AFF4: variants seen among roughly 807,000 people sequenced by gnomAD.
AFF4 encodes the protein AF4/FMR2 family member 4.
A neutral mutation model predicts 124.8 loss-of-function variants in AFF4; 13 were observed. That is an observed-to-expected ratio of 0.10 (90% confidence interval 0.07 to 0.17). AFF4 has a LOEUF of 0.17. Among genes scored for constraint, AFF4 ranks in the 10% least tolerant of loss-of-function variants. AFF4 has a pLI of 1.00. For missense variants in AFF4, 1,092 were observed against 1,403.8 expected (o/e 0.78, Z 3.55); for synonymous variants, 477 against 496.1 (o/e 0.96, Z 0.51).
chr5:132,919,486 T>C (rs1277069113), intron 5 of AFF4, among the ~76,000 whole-genome samples: 1 of 152,230 alleles, frequency 6.6e-6, no homozygotes, highest in African/African-American at 2.4e-5. Flanking sequence ...TCATTCCATA[T>C]ATTGTAACAA....
intron 5 of AFF4, among the ~76,000 whole-genome samples, chr5:132,907,731 G>A (rs536646743): frequency 2.6e-5 from 4 of 151,506 alleles, no homozygotes; most frequent in Non-Finnish European, 5.9e-5. Context: ...AACTGGGAAA[G>A]GAAGAGATAG....
intron 1 of AFF4, chr5:132,943,897 T>C (rs1158389284): frequency 5.3e-6 from 1 of 188,626 alleles, no homozygotes; most frequent in Non-Finnish European, 1.2e-5. Context: ...GGATTGCCAT[T>C]CTGGTAAGGT....
At position 132,879,473 on chromosome 5, in the gene AFF4, G is replaced by A; in HGVS notation, c.*1586C>T. 1 of 202,514 alleles carries A rather than the reference G, an allele frequency of 4.9e-6. No individual in the cohort carries two copies. Among genetic ancestry groups the A allele is most frequent in the East Asian group, 7.7e-5 (1 of 13,046 alleles). 12.5% of individuals were successfully genotyped at this position (202,514 alleles called of 1,614,324 possible). On this transcript the variant is annotated 3_prime_UTR_variant, in exon 21 of 21. Coordinates refer to ENST00000265343, the MANE Select transcript of AFF4 (RefSeq NM_014423.4). ...GACTAAGTCATGTACCAAAGCAATA[G>A]CTTTTCTGAAAGAACTAATCTTTAT...
In AFF4 at chr5:132,878,073, TAA is replaced by T. The variant is rs1264358415; in HGVS notation, c.*2984_*2985del. ...GTTTATCTGAAGTACTCACTGCATA[TAA>T]AGTCACTTCTTGGCTACTTGCCCAG... On this transcript the variant is annotated 3_prime_UTR_variant, in exon 21 of 21. Transcript: ENST00000265343. 1.8e-5 allele frequency: 4 copies of T among 223,846 alleles called. No individual in the cohort carries two copies. Among genetic ancestry groups the T allele is most frequent in the South Asian group, 1.8e-4 (1 of 5,470 alleles). The allele number at this position is 223,846 out of a possible 1,614,324, so 13.9% of individuals were successfully genotyped here.
chr5:132,949,729 G>T (rs866441927), intron 1 of AFF4, among the ~76,000 whole-genome samples: 2 of 151,536 alleles, frequency 1.3e-5, no homozygotes, highest in African/African-American at 4.8e-5. Flanking sequence ...AGGCGTGAGG[G>T]TGAGTGCCCG....
intron 13 of AFF4, among the ~76,000 whole-genome samples, chr5:132,889,654 A>G (rs1760205507): frequency 6.6e-6 from 1 of 152,270 alleles, no homozygotes; most frequent in Admixed American, 6.5e-5. Context: ...ATAAAATGAA[A>G]AAGCAGTCTC....
intron 5 of AFF4, among the ~76,000 whole-genome samples, chr5:132,920,255 G>A (rs1761011749): frequency 1.3e-5 from 2 of 151,850 alleles, no homozygotes; most frequent in Non-Finnish European, 2.9e-5. Context: ...TCACCATGTT[G>A]GCCAGGCTGG....
rs1759863152 is a variant in AFF4, at chr5:132,877,380, C to T, written c.*3679G>A. On this transcript the variant is annotated 3_prime_UTR_variant, in exon 21 of 21. Coordinates refer to ENST00000265343, the MANE Select transcript of AFF4 (RefSeq NM_014423.4). ...AGCTTTAACAATCTAAAGGAATACA[C>T]ATTGCACCCTTGAACATTAATATTC... The T allele has an allele frequency of 4.6e-6, 1 of 217,118 alleles. No homozygotes were observed. Among genetic ancestry groups the T allele is most frequent in the African/African-American group, 2.2e-5 (1 of 44,452 alleles). 13.4% of individuals were successfully genotyped at this position (217,118 alleles called of 1,614,324 possible). A position where few individuals can be genotyped will look rare whatever the true frequency, so the allele number is the denominator to read the frequency against.
At chr5:132,887,626 A>G (rs1286365188) in intron 16 of AFF4, 34 bp from the exon 17 acceptor site, 9 of 1,579,362 alleles carry the variant, frequency 5.7e-6, no homozygotes, top group Non-Finnish European at 7.8e-6. Context: ...AATGACAAAC[A>G]GAATACTTCA....
At position 132,950,073 on chromosome 5, in the gene AFF4, T is replaced by C. The variant is rs561601854; in HGVS notation, c.-4-12880A>G. Among the ~76,000 whole-genome samples the C allele has an allele frequency of 3.7e-4, 57 of 152,206 alleles. 2 individuals carry two copies. In the South Asian group the frequency reaches 0.012, roughly 32 times the overall value. ...GCGGCCAGGCATGGTGGCTCATGCCTGTAATCCCAGCACTCTGGGAGGCCG... is the reference window on the plus strand; with the variant it reads ...GCGGCCAGGCATGGTGGCTCATGCCCGTAATCCCAGCACTCTGGGAGGCCG... On this transcript the variant is annotated intron_variant, in intron 1 of 20. Coordinates refer to ENST00000265343, the MANE Select transcript of AFF4 (RefSeq NM_014423.4).
At chr5:132,917,705 CTTTTTTTTTTTTT>C (rs58145774) in intron 5 of AFF4, among the ~76,000 whole-genome samples, 1 of 74,050 alleles carries the variant, frequency 1.4e-5, no homozygotes, top group Non-Finnish European at 2.5e-5. Context: ...CTTTTCTTTT[CTTTTTTTTTTTTT>C]TTTTTTTTTT....
chr5:132,928,997 T>C (rs1422335795), intron 4 of AFF4, among the ~76,000 whole-genome samples: 2 of 152,206 alleles, frequency 1.3e-5, no homozygotes, highest in African/African-American at 4.8e-5. Flanking sequence ...ATGACCACTG[T>C]ATTCCCAGTG....
intron 18 of AFF4, among the ~76,000 whole-genome samples, chr5:132,885,538 A>C (rs1187164972): frequency 6.6e-6 from 1 of 151,916 alleles, no homozygotes; most frequent in East Asian, 1.9e-4. Context: ...CAGAAAAGAC[A>C]GTGTATGTGC....
At chr5:132,931,673 C>T (rs1004268880) in intron 4 of AFF4, among the ~76,000 whole-genome samples, 6 of 152,298 alleles carry the variant, frequency 3.9e-5, no homozygotes, top group African/African-American at 9.6e-5. Context: ...GCAAAGAACG[C>T]GGCCAGGCGC....
intron 5 of AFF4, among the ~76,000 whole-genome samples, chr5:132,918,893 T>A (rs1436392511): frequency 6.6e-6 from 1 of 151,420 alleles, no homozygotes; most frequent in Non-Finnish European, 1.5e-5. Flanking sequence ...TGTTTGTTTT[T>A]TTTTTTTTTT....
intron 1 of AFF4, among the ~76,000 whole-genome samples, chr5:132,950,708 CAT>C (rs1176336326): frequency 5.3e-5 from 8 of 151,836 alleles, no homozygotes; most frequent in African/African-American, 1.9e-4. Context: ...ATCAATCAAC[CAT>C]CAACTTTCAA....
chr5:132,932,166 TAAAAAAC>T lies in AFF4; in HGVS notation c.963+5_963+11del. 1 of 1,577,142 alleles carries T rather than the reference TAAAAAAC, an allele frequency of 6.3e-7. No individual in the cohort carries two copies. Among genetic ancestry groups the T allele is most frequent in the Admixed American group, 1.8e-5 (1 of 54,298 alleles). ...TTAAAGAAATTGAAATGATTTTTTT[TAAAAAAC>T]TTACTTTTAGGATTTCATCCACACA... On this transcript the variant is annotated splice_donor_5th_base_variant and intron_variant, in intron 4 of 20. Coordinates refer to ENST00000265343, the MANE Select transcript of AFF4 (RefSeq NM_014423.4).
chr5:132,958,653 T>C (rs1279003417), intron 1 of AFF4, among the ~76,000 whole-genome samples: 1 of 152,020 alleles, frequency 6.6e-6, no homozygotes, highest in East Asian at 1.9e-4. Flanking sequence ...ATATTCCAAT[T>C]GGAAGAAATG....
chr5:132,885,104 AATT>A lies in AFF4; in HGVS notation c.3112_3114del (p.Asn1038del), dbSNP rs745909003. 2.8e-5 allele frequency: 45 copies of A among 1,595,850 alleles called. No individual in the cohort carries two copies. Among genetic ancestry groups the A allele is most frequent in the Non-Finnish European group, 3.8e-5 (44 of 1,172,230 alleles). The stretch of plus-strand genomic sequence containing the variant: ...CCCAAGCCAGGCGATGGTGCTTGAG[AATT>A]ATTATAAGAATTCTGTGGAAAAAGT... On this transcript the variant is annotated inframe_deletion, in exon 19 of 21. Transcript: ENST00000265343.
Sources: gnomAD v4.1 joint callset for allele counts (sites outside exome capture counted in the v4.1 genomes callset) on GRCh38, gnomAD v4.1.1 for gene constraint, MANE v1.5 for transcripts, NCBI Gene and HGNC (gene_info 2026-07-23, HGNC 2026-07-21) for gene names.